The following SNTG1 variants were observed in gnomAD, a reference collection of about 807,000 sequenced individuals.
SNTG1 encodes the protein gamma-1-syntrophin.
In SNTG1, 39 loss-of-function variants were observed where a neutral mutation model predicts 74.7. The ratio of observed to expected loss-of-function variants is 0.52; its 90% CI spans 0.40 to 0.68. The LOEUF (loss-of-function observed/expected upper bound fraction) is 0.68. Ranked by LOEUF, SNTG1 falls within the 30% of genes least tolerant of loss-of-function variation. SNTG1 has a pLI of 0.00. For synonymous variants in SNTG1, 254 were observed against 217.1 expected (o/e 1.17, Z -1.49); for missense variants, 685 against 609.5 (o/e 1.12, Z -1.30).
In SNTG1 at chr8:50,423,513, G is replaced by T. The variant is rs559736537; in HGVS notation, c.163-15030G>T. On this transcript the variant is annotated intron_variant, in intron 4 of 18. Transcript: ENST00000642720. Reference sequence around the variant, plus strand: ...ATAAAACCTTTAATTTTTAACTCAAGTTAACTTCTTTATCTTTTCTCCTAT... The same window carrying T: ...ATAAAACCTTTAATTTTTAACTCAATTTAACTTCTTTATCTTTTCTCCTAT... Among the ~76,000 whole-genome samples the T allele has an allele frequency of 2.0e-5, 3 of 152,218 alleles. No individual in the cohort carries two copies. The East Asian group carries it at 5.8e-4, about 29-fold the overall frequency.
At chr8:50,719,255 G>A (rs769440458) in intron 17 of SNTG1, among the ~76,000 whole-genome samples, 11 of 152,246 alleles carry the variant, frequency 7.2e-5, no homozygotes, top group Admixed American at 2.0e-4. Context: ...AGAGCCTTTC[G>A]GGAGGTGATT....
At chr8:50,050,477 A>G (rs1351436856) in intron 1 of SNTG1, among the ~76,000 whole-genome samples, 2 of 151,990 alleles carry the variant, frequency 1.3e-5, no homozygotes. Flanking sequence ...CCAAAACAAA[A>G]AGCACCAGGC....
chr8:50,732,669 T>C (rs1448834372), intron 17 of SNTG1, among the ~76,000 whole-genome samples: 1 of 151,924 alleles, frequency 6.6e-6, no homozygotes, highest in East Asian at 1.9e-4. Flanking sequence ...AAAATATATA[T>C]TTAAAATTGC....
upstream of SNTG1, chr8:49,909,946 A>T (rs1406306881): frequency 6.6e-6 from 1 of 152,256 alleles, no homozygotes; most frequent in Non-Finnish European, 1.5e-5. Flanking sequence ...GTCCCGAGTG[A>T]TTCCCGGCTC....
intron 4 of SNTG1, among the ~76,000 whole-genome samples, chr8:50,417,346 A>G (rs1413397710): frequency 6.6e-6 from 1 of 152,118 alleles, no homozygotes; most frequent in Non-Finnish European, 1.5e-5. Context: ...TATAGGAGAG[A>G]ACTGACTTCT....
intron 8 of SNTG1, among the ~76,000 whole-genome samples, chr8:50,462,796 C>T (rs11778527): frequency 0.65 from 37,579 of 57,524 alleles, 10,937 homozygotes; most frequent in Non-Finnish European, 0.73. Flanking sequence ...AGGTTCTACT[C>T]TTTTTTTTTT....
chr8:50,629,615 A>C (rs2094982166), intron 13 of SNTG1, among the ~76,000 whole-genome samples: 1 of 152,042 alleles, frequency 6.6e-6, no homozygotes, highest in Non-Finnish European at 1.5e-5. Context: ...GATATTGACT[A>C]ATTTTAGAAC....
chr8:50,258,630 A>G (rs546464426), intron 2 of SNTG1, among the ~76,000 whole-genome samples: 1 of 152,310 alleles, frequency 6.6e-6, no homozygotes, highest in Non-Finnish European at 1.5e-5. Context: ...TGAAAGTAGA[A>G]TAATTAAAAC....
chr8:50,160,774 T>C (rs758506554), intron 1 of SNTG1, among the ~76,000 whole-genome samples: 1 of 152,188 alleles, frequency 6.6e-6, no homozygotes, highest in Non-Finnish European at 1.5e-5. Flanking sequence ...TTGATACTCA[T>C]AGGGATCTTG....
chr8:50,472,231 G>A (rs887694747), intron 8 of SNTG1, among the ~76,000 whole-genome samples: 3 of 152,060 alleles, frequency 2.0e-5, no homozygotes, highest in Non-Finnish European at 2.9e-5. Context: ...ACACCAAAGA[G>A]CAAAAGTTAT....
chr8:50,608,694 A>G (rs1262905478), intron 13 of SNTG1, among the ~76,000 whole-genome samples: 8 of 151,886 alleles, frequency 5.3e-5, no homozygotes, highest in Non-Finnish European at 1.0e-4. Context: ...GTTTCAGTCA[A>G]TCACATTTGA....
At chr8:50,215,003 GT>G (rs750181955) in intron 2 of SNTG1, among the ~76,000 whole-genome samples, 7 of 152,118 alleles carry the variant, frequency 4.6e-5, no homozygotes, top group Non-Finnish European at 1.0e-4. Flanking sequence ...AAAGAAATCT[GT>G]TTTCCTCTTC....
intron 1 of SNTG1, among the ~76,000 whole-genome samples, chr8:50,052,564 G>C (rs1420373672): frequency 6.6e-6 from 1 of 152,048 alleles, no homozygotes; most frequent in Non-Finnish European, 1.5e-5. Flanking sequence ...AAATTTAAAA[G>C]TAGATAAGTT....
At chr8:50,318,754 C>T (rs34608478) in intron 2 of SNTG1, among the ~76,000 whole-genome samples, 72,007 of 151,996 alleles carry the variant, frequency 0.47, 19,472 homozygotes, top group East Asian at 0.83. Flanking sequence ...TTGAAATACA[C>T]ATTCTATATA....
chr8:50,514,702 T>C (rs1445495787), intron 9 of SNTG1, among the ~76,000 whole-genome samples: 2 of 152,186 alleles, frequency 1.3e-5, no homozygotes, highest in Non-Finnish European at 1.5e-5. Context: ...GTATATTTTA[T>C]TATTGTTGAG....
At chr8:50,467,163 G>A (rs2131719740) in intron 8 of SNTG1, among the ~76,000 whole-genome samples, 1 of 151,900 alleles carries the variant, frequency 6.6e-6, no homozygotes, top group Non-Finnish European at 1.5e-5. Flanking sequence ...GTGGGTGTTA[G>A]GTTAATTATG....
At chr8:50,571,803 A>T (rs577377948) in intron 12 of SNTG1, among the ~76,000 whole-genome samples, 26 of 152,290 alleles carry the variant, frequency 1.7e-4, no homozygotes, top group African/African-American at 5.8e-4. Flanking sequence ...GGTGTAAGTG[A>T]ATTGTGTTAA....
rs189567425 is a variant in SNTG1 at position 50,601,737 on chromosome 8, T to C, written c.849+10820T>C. Among the ~76,000 whole-genome samples, 13 of 152,320 alleles carry C rather than the reference T, an allele frequency of 8.5e-5. No homozygotes were observed. The East Asian group carries it at 2.5e-3, about 29-fold the overall frequency. On this transcript the variant is annotated intron_variant, in intron 13 of 18. Coordinates refer to ENST00000642720, the MANE Select transcript of SNTG1 (RefSeq NM_018967.5). ...AGTTGGGTGTTGAAGTGTGTAGCTA[T>C]TCTTGTATTGAGATCTGTCTCTCTT... is the stretch of plus-strand genomic sequence containing the variant.
chr8:50,743,607 G>A (rs2095548637), intron 17 of SNTG1, among the ~76,000 whole-genome samples: 1 of 151,292 alleles, frequency 6.6e-6, no homozygotes, highest in South Asian at 2.1e-4. Flanking sequence ...TCTTCTGTTT[G>A]ACATGGTATT....
Sources: allele counts gnomAD v4.1 joint callset (sites outside exome capture counted in the v4.1 genomes callset), GRCh38; gene constraint gnomAD v4.1.1; transcripts MANE v1.5; gene names NCBI Gene and HGNC (gene_info 2026-07-23, HGNC 2026-07-21).